The following UBE2J2 variants were observed in gnomAD, a reference collection of about 807,000 sequenced individuals.
The protein encoded by UBE2J2 is ubiquitin conjugating enzyme E2 J2.
In UBE2J2, 5 loss-of-function variants were observed where a neutral mutation model predicts 28.6. The observed-to-expected ratio is 0.17, with a 90% confidence interval of 0.09 to 0.37. UBE2J2 has a LOEUF of 0.37. Ranked by LOEUF, UBE2J2 falls within the 10% of genes least tolerant of loss-of-function variation. The pLI is 1.00. For synonymous variants in UBE2J2, 138 were observed against 139.7 expected (o/e 0.99, Z 0.09); for missense variants, 226 against 338.9 (o/e 0.67, Z 2.62).
rs60924258 is a variant in UBE2J2 at position 1,271,974 on chromosome 1, CAAAAAAAAAAAAAA to C, written c.-1+1678_-1+1691del. Among the ~76,000 whole-genome samples, 164 of 27,626 alleles carry C rather than the reference CAAAAAAAAAAAAAA, an allele frequency of 5.9e-3. 3 individuals are homozygous for C. The highest frequency in any genetic ancestry group is 0.011 in the African/African-American group (151 of 13,310). The allele number at this position is 27,626 out of a possible 152,430, so 18.1% of individuals were successfully genotyped here. ...GGGCAACAAGAGCGAAACTCCGTCT[CAAAAAAAAAAAAAA>C]AAAAAAAAAAAAAAAATTAGCCGGG... is the stretch of plus-strand genomic sequence containing the variant. On this transcript the variant is annotated intron_variant, in intron 1 of 6. Coordinates refer to ENST00000349431, the MANE Select transcript of UBE2J2 (RefSeq NM_058167.3).
rs1323633769 is a variant in UBE2J2, at chr1:1,268,316, G to A, written c.1-324C>T. 1.3e-5 allele frequency among the ~76,000 whole-genome samples: 2 copies of A among 152,010 alleles called. No homozygotes were observed. Among genetic ancestry groups the A allele is most frequent in the African/African-American group, 2.4e-5 (1 of 41,352 alleles). Reference sequence around the variant, plus strand: ...ATTTACAGGGCTTGAGGGGGTATTCGGGCCACAGCCTCAGACCAGCTCCTG... The same window carrying A: ...ATTTACAGGGCTTGAGGGGGTATTCAGGCCACAGCCTCAGACCAGCTCCTG... On this transcript the variant is annotated intron_variant, in intron 1 of 6. Transcript: ENST00000349431. The surrounding 1 kb of genome is among the most constrained non-coding windows in gnomAD (Gnocchi z 4.7).
chr1:1,254,043 G>A lies in UBE2J2; in HGVS notation c.*1160C>T, dbSNP rs1276435208. 1 of 152,242 alleles carries A rather than the reference G, an allele frequency of 6.6e-6. No individual in the cohort carries two copies. Among genetic ancestry groups the A allele is most frequent in the Non-Finnish European group, 1.5e-5 (1 of 68,046 alleles). The allele number at this position is 152,242 out of a possible 1,614,324, so 9.4% of individuals were successfully genotyped here. A position where few individuals can be genotyped will look rare whatever the true frequency, so the allele number is the denominator to read the frequency against. On this transcript the variant is annotated 3_prime_UTR_variant, in exon 7 of 7. Transcript: ENST00000349431. ...GAAGAAAGATGAGCGCGTGCGGGCT[G>A]GGCTTGTCTCACGCCCGCCTCCGGA...
intron 3 of UBE2J2, among the ~76,000 whole-genome samples, chr1:1,259,094 G>C (rs919140213): frequency 2.8e-4 from 39 of 137,864 alleles, no homozygotes; most frequent in African/African-American, 1.2e-3. Flanking sequence ...GGACGCACGT[G>C]TGTGCATGTG....
At chr1:1,267,164 C>A (rs903624559) in intron 2 of UBE2J2, among the ~76,000 whole-genome samples, 2 of 152,168 alleles carry the variant, frequency 1.3e-5, no homozygotes, top group African/African-American at 4.8e-5. Context: ...GCTGGGATTA[C>A]AGGTGTGAGC....
At chr1:1,263,531 G>A in intron 2 of UBE2J2, 145 bp from the exon 3 acceptor site, 1 of 734,420 alleles carries the variant, frequency 1.4e-6, no homozygotes, top group East Asian at 2.5e-5. Context: ...ATGTCACACA[G>A]CCACACGGCT....
At chr1:1,265,553 C>G (rs938343856) in intron 2 of UBE2J2, among the ~76,000 whole-genome samples, 1 of 145,190 alleles carries the variant, frequency 6.9e-6, no homozygotes, top group Non-Finnish European at 1.5e-5. Context: ...TGGCTGACTG[C>G]AGTTTTCTCT....
chr1:1,263,572 C>T, intron 2 of UBE2J2, 186 bp from the exon 3 acceptor site: 2 of 582,872 alleles, frequency 3.4e-6, no homozygotes, highest in South Asian at 4.0e-5. Context: ...ACCGTGGGTG[C>T]TTTTAGTCTC....
intron 3 of UBE2J2, among the ~76,000 whole-genome samples, chr1:1,259,065 G>T (rs925645538): frequency 2.0e-5 from 3 of 151,512 alleles, no homozygotes; most frequent in African/African-American, 7.3e-5. Flanking sequence ...GTGTGTGCAT[G>T]TGTGTGTGCA....
intron 5 of UBE2J2, among the ~76,000 whole-genome samples, chr1:1,256,570 A>G (rs1639187385): frequency 6.6e-6 from 1 of 152,188 alleles, no homozygotes; most frequent in Non-Finnish European, 1.5e-5. Context: ...AACTCCACCC[A>G]GCCCCGCCTA....
chr1:1,262,148 C>T (rs1454867998), intron 3 of UBE2J2: 5 of 334,596 alleles, frequency 1.5e-5, no homozygotes, highest in African/African-American at 4.4e-5. Flanking sequence ...TGAGCCACCG[C>T]GCCCGGCCGA....
intron 5 of UBE2J2, 51 bp downstream of exon 5, chr1:1,256,941 C>T (rs369133016): frequency 2.2e-6 from 3 of 1,375,662 alleles, no homozygotes; most frequent in Non-Finnish European, 2.9e-6. Context: ...CAGAGAACAG[C>T]CCCCCAGACA....
chr1:1,263,593 A>T (rs1639681683), intron 2 of UBE2J2: 1 of 537,164 alleles, frequency 1.9e-6, no homozygotes, highest in Non-Finnish European at 3.4e-6. Context: ...TTGTAACAGG[A>T]TCTTAGAGAC....
In UBE2J2 at chr1:1,255,057, G is replaced by T; in HGVS notation, c.*146C>A. 4.8e-6 allele frequency: 4 copies of T among 839,416 alleles called. No individual in the cohort carries two copies. The highest frequency in any genetic ancestry group is 5.4e-6 in the Non-Finnish European group (3 of 557,088). The allele number at this position is 839,416 out of a possible 1,614,324, so 52.0% of individuals were successfully genotyped here. On this transcript the variant is annotated 3_prime_UTR_variant, in exon 7 of 7. Transcript: ENST00000349431. The stretch of plus-strand genomic sequence containing the variant: ...CCTCCAAAGCCCAGTCACACATTTT[G>T]GTTTTTGCTTCCCCTTTCAGGTTTT...
chr1:1,256,917 C>G, intron 5 of UBE2J2, 75 bp downstream of exon 5: 3 of 1,041,458 alleles, frequency 2.9e-6, no homozygotes, highest in Non-Finnish European at 3.8e-6. Flanking sequence ...AAAAAGGCAG[C>G]TGCAACTCAG....
intron 2 of UBE2J2, 112 bp downstream of exon 2, chr1:1,267,750 G>C: frequency 6.4e-7 from 1 of 1,555,936 alleles, no homozygotes; most frequent in East Asian, 2.3e-5. Flanking sequence ...GAGGGTGCAG[G>C]AGCACCTTGC....
rs146510270 is a variant in UBE2J2 at position 1,257,186 on chromosome 1, G to A, written c.275+22C>T. The A allele has an allele frequency of 3.9e-4, 620 of 1,602,062 alleles. 1 individual carries two copies. The highest frequency in any genetic ancestry group is 4.9e-4 in the Non-Finnish European group (579 of 1,172,014). On this transcript the variant is annotated intron_variant, in intron 4 of 6. Transcript: ENST00000349431. ...TCCCCACCGCAGCCAGAAAGCCTCC[G>A]CGGCCCCTCCAGGCACCTTACCTGG...
In UBE2J2 at chr1:1,268,013, A is replaced by G. The variant is rs749950845; in HGVS notation, c.1-21T>C. 1.7e-5 allele frequency: 28 copies of G among 1,611,060 alleles called. No homozygotes were observed. In the African/African-American group the frequency reaches 3.1e-4, roughly 18 times the overall value. ...CTCATCTGTTAAAAGCAACGTCTACACTGACGACGAGAAGCAGCGCCGGCC... is the reference window on the plus strand; with the variant it reads ...CTCATCTGTTAAAAGCAACGTCTACGCTGACGACGAGAAGCAGCGCCGGCC... On this transcript the variant is annotated intron_variant, in intron 1 of 6. Transcript: ENST00000349431. The surrounding 1 kb of genome is among the most constrained non-coding windows in gnomAD (Gnocchi z 4.7).
intron 2 of UBE2J2, 21 bp from the exon 3 acceptor site, chr1:1,263,407 A>G: frequency 6.2e-7 from 1 of 1,610,718 alleles, no homozygotes; most frequent in Non-Finnish European, 8.5e-7. Flanking sequence ...GAAGAAAATT[A>G]CTTGGGATTT....
intron 2 of UBE2J2, among the ~76,000 whole-genome samples, chr1:1,267,494 T>C (rs1639935583): frequency 6.6e-6 from 1 of 152,058 alleles, no homozygotes; most frequent in Non-Finnish European, 1.5e-5. Context: ...GTGCCTAGAG[T>C]GCACACCAGC....
Sources: allele counts gnomAD v4.1 joint callset (sites outside exome capture counted in the v4.1 genomes callset), GRCh38; gene constraint gnomAD v4.1.1; non-coding constraint Gnocchi (gnomAD v3.1); transcripts MANE v1.5; gene names NCBI Gene and HGNC (gene_info 2026-07-23, HGNC 2026-07-21).